Variants in ABLIM1 observed in about 807,000 individuals in gnomAD.
ABLIM1 encodes the protein actin-binding LIM protein 1.
In ABLIM1, 40 loss-of-function variants were observed where a neutral mutation model predicts 107.0. The ratio of observed to expected loss-of-function variants is 0.37; its 90% CI spans 0.29 to 0.49. The LOEUF is 0.49. Ranked by LOEUF, ABLIM1 falls within the 20% of genes least tolerant of loss-of-function variation. The pLI, the probability that ABLIM1 is intolerant of heterozygous loss-of-function variation, is 0.97. For missense variants in ABLIM1, 857 were observed against 1,008.5 expected (o/e 0.85, Z 2.04); for synonymous variants, 357 against 357.3 (o/e 1.00, Z 0.01).
intron 6 of ABLIM1, among the ~76,000 whole-genome samples, chr10:114,519,582 T>C (rs1301584291): frequency 6.6e-6 from 1 of 152,178 alleles, no homozygotes; most frequent in Non-Finnish European, 1.5e-5. Context: ...CAAGACATAT[T>C]TATTAATGAG....
In ABLIM1 at chr10:114,432,168, A is replaced by G. The variant is rs1270507545; in HGVS notation, c.*4092T>C. On this transcript the variant is annotated 3_prime_UTR_variant, in exon 23 of 23. Coordinates refer to ENST00000533213, the MANE Select transcript of ABLIM1 (RefSeq NM_002313.7). ...AAAGAGCAAGCTTTGGGGCATACTG[A>G]CAAACACTTCATTGGTTAGAAGAGA... 1 of 152,244 alleles carries G rather than the reference A, an allele frequency of 6.6e-6. No individual in the cohort carries two copies. Among genetic ancestry groups the G allele is most frequent in the East Asian group, 1.9e-4 (1 of 5,204 alleles). The allele number at this position is 152,244 out of a possible 1,614,324, so 9.4% of individuals were successfully genotyped here.
intron 1 of ABLIM1, among the ~76,000 whole-genome samples, chr10:114,645,492 CAA>C (rs567572120): frequency 8.5e-4 from 129 of 150,916 alleles, no homozygotes; most frequent in African/African-American, 3.0e-3. Flanking sequence ...GAGTTCTAAA[CAA>C]AAGAGAATCT....
At chr10:114,436,853 T>G (rs988870508) in intron 22 of ABLIM1, among the ~76,000 whole-genome samples, 1 of 152,052 alleles carries the variant, frequency 6.6e-6, no homozygotes, top group Non-Finnish European at 1.5e-5. Flanking sequence ...CCTAGAAAAG[T>G]TCCCCCAAGA....
At chr10:114,760,062 A>G (rs1230902946) in intron 1 of ABLIM1, among the ~76,000 whole-genome samples, 2 of 152,150 alleles carry the variant, frequency 1.3e-5, no homozygotes, top group African/African-American at 2.4e-5. Context: ...GGGCTCAATA[A>G]CTATTTGTTA....
chr10:114,447,491 T>C (rs1286749245), intron 15 of ABLIM1, among the ~76,000 whole-genome samples: 2 of 152,238 alleles, frequency 1.3e-5, no homozygotes, highest in Non-Finnish European at 2.9e-5. Context: ...GAAGTCATGC[T>C]TCTACAAACA....
upstream of ABLIM1, among the ~76,000 whole-genome samples, chr10:114,662,144 C>T (rs1186418147): frequency 2.0e-5 from 3 of 152,164 alleles, no homozygotes; most frequent in African/African-American, 4.8e-5. Flanking sequence ...TGCCACCTTA[C>T]GATGCCAATA....
intron 4 of ABLIM1, among the ~76,000 whole-genome samples, chr10:114,553,208 T>C (rs1461783246): frequency 2.0e-5 from 3 of 152,278 alleles, no homozygotes; most frequent in Middle Eastern, 3.4e-3. Context: ...AAGAGAACCA[T>C]GTGCTAGCTA....
intron 6 of ABLIM1, among the ~76,000 whole-genome samples, chr10:114,522,311 C>T (rs2063867079): frequency 6.6e-6 from 1 of 152,202 alleles, no homozygotes; most frequent in South Asian, 2.1e-4. Context: ...CCACCCCACC[C>T]CCCACTTATT....
intron 1 of ABLIM1, among the ~76,000 whole-genome samples, chr10:114,756,508 T>A (rs1438103431): frequency 6.6e-6 from 1 of 152,156 alleles, no homozygotes; most frequent in Non-Finnish European, 1.5e-5. Flanking sequence ...GAGATGAACA[T>A]TTTTATAATA....
chr10:114,644,322 T>TATATTGTATATATAC (rs2078911494), intron 1 of ABLIM1, among the ~76,000 whole-genome samples: 5 of 119,272 alleles, frequency 4.2e-5, no homozygotes, highest in African/African-American at 1.9e-4. Context: ...TATATATATA[T>TATATTGTATATATAC]ATATATATGT....
rs577737174 is a variant in ABLIM1, at chr10:114,460,828, A to T, written c.1441+4870T>A. Among the ~76,000 whole-genome samples the T allele has an allele frequency of 2.0e-5, 3 of 152,278 alleles. No individual in the cohort carries two copies. The South Asian group carries it at 6.2e-4, about 32-fold the overall frequency. On this transcript the variant is annotated intron_variant, in intron 12 of 22. Coordinates refer to ENST00000533213, the MANE Select transcript of ABLIM1 (RefSeq NM_002313.7). ...ATGCCCATGGGCTTTTCAACTCTCCACATGGCCACTCATGGACATGAAGCA... is the reference window on the plus strand; with the variant it reads ...ATGCCCATGGGCTTTTCAACTCTCCTCATGGCCACTCATGGACATGAAGCA...
chr10:114,649,897 C>T (rs1467986012), intron 1 of ABLIM1, among the ~76,000 whole-genome samples: 2 of 151,646 alleles, frequency 1.3e-5, no homozygotes, highest in Non-Finnish European at 2.9e-5. Context: ...ACTTTGTTGT[C>T]CAGGCTGGAG....
At chr10:114,443,672 TA>T (rs11418258) in intron 17 of ABLIM1, among the ~76,000 whole-genome samples, 1,881 of 107,354 alleles carry the variant, frequency 0.018, 30 homozygotes, top group East Asian at 0.04. Flanking sequence ...TCATGTTATC[TA>T]AAAAAAAAAA....
Position 114,436,377 on chromosome 10 carries a change from G to GGAA in ABLIM1, c.2224-7_2224-5dup, listed in dbSNP as rs1565185479. The stretch of plus-strand genomic sequence containing the variant: ...ACACTTCAGGGGCTAAGTGGCGCTG[G>GGAA]GAAGAAGAAAAAAAAAAAAGAGCTG... On this transcript the variant is annotated splice_region_variant and splice_polypyrimidine_tract_variant and intron_variant, in intron 22 of 22. Coordinates refer to ENST00000533213, the MANE Select transcript of ABLIM1 (RefSeq NM_002313.7). 3 of 1,598,408 alleles carry GGAA rather than the reference G, an allele frequency of 1.9e-6. No homozygotes were observed. Among genetic ancestry groups the GGAA allele is most frequent in the Admixed American group, 3.6e-5 (2 of 56,176 alleles).
At chr10:114,710,863 T>G (rs1338868243) in intron 1 of ABLIM1, among the ~76,000 whole-genome samples, 1 of 152,246 alleles carries the variant, frequency 6.6e-6, no homozygotes, top group Non-Finnish European at 1.5e-5. Flanking sequence ...GGACCATATT[T>G]GCACACTAAG....
intron 1 of ABLIM1, among the ~76,000 whole-genome samples, chr10:114,667,931 C>A (rs11196854): frequency 0.074 from 11,213 of 152,214 alleles, 483 homozygotes; most frequent in Middle Eastern, 0.11. Context: ...CAGTAAACAT[C>A]CATTCCATGA....
chr10:114,468,421 C>G (rs1969727), intron 10 of ABLIM1, among the ~76,000 whole-genome samples: 14 of 830 alleles, frequency 0.017, no homozygotes, highest in Admixed American at 0.016. Context: ...ACTACAGGCG[C>G]CGCCACCACC....
chr10:114,617,593 T>C lies in ABLIM1; in HGVS notation c.245-15632A>G, dbSNP rs1244132107. Among the ~76,000 whole-genome samples the C allele has an allele frequency of 2.0e-5, 3 of 152,094 alleles. No homozygotes were observed. In the East Asian group the frequency reaches 5.8e-4, roughly 29 times the overall value. On this transcript the variant is annotated intron_variant, in intron 1 of 22. Transcript: ENST00000533213. ...TCTCACCACCTACTTCTTAGTCCTG[T>C]TTTATCTGCAAGGGACCTCGGGCCA...
intron 12 of ABLIM1, among the ~76,000 whole-genome samples, chr10:114,464,699 C>T (rs1034166297): frequency 5.9e-5 from 9 of 152,172 alleles, no homozygotes; most frequent in South Asian, 4.1e-4. Context: ...GAATTCTCTA[C>T]GATCATTAAA....
Sources: allele counts gnomAD v4.1 joint callset (sites outside exome capture counted in the v4.1 genomes callset), GRCh38; gene constraint gnomAD v4.1.1; transcripts MANE v1.5; gene names NCBI Gene and HGNC (gene_info 2026-07-23, HGNC 2026-07-21).